GPD2: variants seen among roughly 807,000 people sequenced by gnomAD.
GPD2 encodes glycerol-3-phosphate dehydrogenase 2, also known as glycerol-3-phosphate dehydrogenase, mitochondrial.
In GPD2, 54 loss-of-function variants were observed where a neutral mutation model predicts 82.4. The ratio of observed to expected loss-of-function variants is 0.66; its 90% CI spans 0.53 to 0.82. GPD2 has a LOEUF of 0.82. Among genes scored for constraint, GPD2 ranks in the 40% least tolerant of loss-of-function variants. GPD2 has a pLI of 0.00. For synonymous variants in GPD2, 288 were observed against 306.1 expected, an observed-to-expected ratio of 0.94 and a Z score of 0.62; for missense variants, 748 against 896.2, an observed-to-expected ratio of 0.83 and a Z score of 2.11.
At chr2:156,512,655 G>GC (rs1483541626) in intron 5 of GPD2, among the ~76,000 whole-genome samples, 1 of 152,184 alleles carries the variant, frequency 6.6e-6, no homozygotes, top group Non-Finnish European at 1.5e-5. Context: ...AAATGGTTGA[G>GC]CTAAAGTATC....
At chr2:156,428,845 T>C in the GPD2 span, among the ~76,000 whole-genome samples, 1 of 152,172 alleles carries the variant, frequency 6.6e-6, no homozygotes, top group African/African-American at 2.4e-5. Context: ...TATATGATGA[T>C]TTTGCTGATA....
intron 1 of GPD2, among the ~76,000 whole-genome samples, chr2:156,459,120 TAACTC>T (rs1380588428): frequency 6.6e-6 from 1 of 152,180 alleles, no homozygotes; most frequent in Non-Finnish European, 1.5e-5. Flanking sequence ...AGAGTGTACT[TAACTC>T]AGAAAGGATT....
chr2:156,451,061 T>G (rs1432909231), intron 1 of GPD2, among the ~76,000 whole-genome samples: 3 of 146,180 alleles, frequency 2.1e-5, no homozygotes, highest in Non-Finnish European at 3.0e-5. Flanking sequence ...CCATGTCTAC[T>G]TCTTTCTACA....
At chr2:156,476,357 C>A in intron 2 of GPD2, 150 bp downstream of exon 2, 1 of 665,344 alleles carries the variant, frequency 1.5e-6, no homozygotes, top group Non-Finnish European at 2.8e-6. Context: ...AGAACAGTGC[C>A]TTAATGATCC....
chr2:156,515,383 AAAG>A (rs556013884), intron 6 of GPD2, among the ~76,000 whole-genome samples: 35 of 152,164 alleles, frequency 2.3e-4, no homozygotes, highest in East Asian at 1.2e-3. Flanking sequence ...AAAAAAAAAA[AAAG>A]AAGAAGAAGA....
chr2:156,484,927 C>T (rs929286910), intron 2 of GPD2, among the ~76,000 whole-genome samples: 1 of 152,180 alleles, frequency 6.6e-6, no homozygotes, highest in Non-Finnish European at 1.5e-5. Context: ...AACATCTGCT[C>T]ACCCACCCTC....
chr2:156,469,025 A>C (rs951978261), intron 1 of GPD2, among the ~76,000 whole-genome samples: 3 of 152,132 alleles, frequency 2.0e-5, no homozygotes, highest in Admixed American at 1.3e-4. Context: ...CTCTGTCTCC[A>C]TGAGTTCATT....
intron 3 of GPD2, among the ~76,000 whole-genome samples, chr2:156,502,982 A>G (rs1210850201): frequency 6.6e-6 from 1 of 150,894 alleles, no homozygotes; most frequent in African/African-American, 2.4e-5. Context: ...CTCTTTTTCC[A>G]TACCCTCAAC....
intron 8 of GPD2, among the ~76,000 whole-genome samples, chr2:156,554,920 A>G (rs1472698752): frequency 1.3e-5 from 2 of 152,236 alleles, no homozygotes; most frequent in African/African-American, 4.8e-5. Flanking sequence ...AATATTCATT[A>G]CATTTAATCC....
chr2:156,563,754 A>G (rs1229474549), intron 9 of GPD2, among the ~76,000 whole-genome samples: 3 of 152,170 alleles, frequency 2.0e-5, no homozygotes, highest in Non-Finnish European at 4.4e-5. Flanking sequence ...GCCAGTAGAA[A>G]TAACTAGCTT....
chr2:156,549,303 A>T (rs1686663182), intron 6 of GPD2, among the ~76,000 whole-genome samples: 1 of 152,232 alleles, frequency 6.6e-6, no homozygotes, highest in Admixed American at 6.5e-5. Context: ...ACATATACAT[A>T]TGTTCCAACA....
At chr2:156,556,179 CTG>C (rs1363887769) in intron 8 of GPD2, among the ~76,000 whole-genome samples, 1 of 152,082 alleles carries the variant, frequency 6.6e-6, no homozygotes, top group African/African-American at 2.4e-5. Context: ...AAAAATCTGA[CTG>C]TGTGTCTTTT....
At chr2:156,529,436 A>T (rs1269214478) in intron 6 of GPD2, among the ~76,000 whole-genome samples, 5 of 139,756 alleles carry the variant, frequency 3.6e-5, no homozygotes, top group Non-Finnish European at 6.2e-5. Flanking sequence ...GAAGCTCTTT[A>T]GTTTAATTAG....
intron 6 of GPD2, among the ~76,000 whole-genome samples, chr2:156,546,305 G>A (rs1686531373): frequency 6.6e-6 from 1 of 152,124 alleles, no homozygotes; most frequent in African/African-American, 2.4e-5. Context: ...AATTAGGTGG[G>A]GGTTTGGGAT....
the GPD2 span, among the ~76,000 whole-genome samples, chr2:156,411,877 G>A: frequency 6.6e-6 from 1 of 152,122 alleles, no homozygotes; most frequent in Admixed American, 6.6e-5. Context: ...TCATTGATAA[G>A]AATTCTTCCT....
At chr2:156,481,227 T>C (rs1471603350) in intron 2 of GPD2, among the ~76,000 whole-genome samples, 1 of 152,194 alleles carries the variant, frequency 6.6e-6, no homozygotes, top group Non-Finnish European at 1.5e-5. Flanking sequence ...GATATTTCTG[T>C]GCATGTATAC....
chr2:156,445,202 A>C (rs997547803), intron 1 of GPD2, among the ~76,000 whole-genome samples: 1 of 152,232 alleles, frequency 6.6e-6, no homozygotes, highest in Admixed American at 6.5e-5. Context: ...TTTTTAATGT[A>C]TCAACAGTGA....
At chr2:156,562,316 C>T (rs950231892) in intron 9 of GPD2, among the ~76,000 whole-genome samples, 1 of 152,174 alleles carries the variant, frequency 6.6e-6, no homozygotes, top group African/African-American at 2.4e-5. Flanking sequence ...TTTTCATTGC[C>T]AGAGATTGTA....
chr2:156,405,972 A>G, the GPD2 span, among the ~76,000 whole-genome samples: 1 of 152,136 alleles, frequency 6.6e-6, no homozygotes, highest in African/African-American at 2.4e-5. Flanking sequence ...GGCCAGGCTT[A>G]TATCATCTGA....
Sources: allele counts gnomAD v4.1 joint callset (sites outside exome capture counted in the v4.1 genomes callset), GRCh38; gene constraint gnomAD v4.1.1; transcripts MANE v1.5; gene names NCBI Gene and HGNC (gene_info 2026-07-23, HGNC 2026-07-21).